QTMAN: variants seen among roughly 807,000 people sequenced by gnomAD.
The protein encoded by QTMAN is tRNA-queuosine alpha-mannosyltransferase.
At chr2:143,957,504 A>ATGTTCTGCT in the QTMAN span, among the ~76,000 whole-genome samples, 1 of 152,140 alleles carries the variant, frequency 6.6e-6, no homozygotes, top group South Asian at 2.1e-4. Context: ...GCAGAACCAA[A>ATGTTCTGCT]TGTTAAGGTG....
At chr2:144,091,400 AAATG>A in the QTMAN span, among the ~76,000 whole-genome samples, 13 of 152,220 alleles carry the variant, frequency 8.5e-5, no homozygotes, top group Non-Finnish European at 1.5e-4. Context: ...GTATAAAATA[AAATG>A]AATGAATGAA....
the QTMAN span, among the ~76,000 whole-genome samples, chr2:144,035,078 TGTTTG>T: frequency 6.6e-6 from 1 of 152,168 alleles, no homozygotes; most frequent in Non-Finnish European, 1.5e-5. Flanking sequence ...TGGTGGAAGA[TGTTTG>T]GGTTATGGGG....
At chr2:144,313,379 GTCA>G in the QTMAN span, among the ~76,000 whole-genome samples, 11 of 152,084 alleles carry the variant, frequency 7.2e-5, no homozygotes, top group Admixed American at 1.3e-4. Flanking sequence ...ACAATTCCTA[GTCA>G]TCATTCTATT....
At chr2:143,963,680 A>C in the QTMAN span, 1 of 152,062 alleles carries the variant, frequency 6.6e-6, no homozygotes, top group Admixed American at 6.6e-5. Flanking sequence ...CCCTAATTGG[A>C]GTCTTGTTAA....
the QTMAN span, among the ~76,000 whole-genome samples, chr2:144,173,745 T>G: frequency 5.9e-4 from 88 of 149,652 alleles, no homozygotes; most frequent in African/African-American, 2.2e-3. Context: ...ATCCCCAATG[T>G]TGGATGGGGG....
the QTMAN span, among the ~76,000 whole-genome samples, chr2:143,998,699 AT>A: frequency 6.6e-6 from 1 of 151,996 alleles, no homozygotes; most frequent in African/African-American, 2.4e-5. Context: ...TTCTGGATTT[AT>A]TTTTCCATAA....
chr2:143,961,922 G>A, the QTMAN span, among the ~76,000 whole-genome samples: 1 of 152,068 alleles, frequency 6.6e-6, no homozygotes, highest in Non-Finnish European at 1.5e-5. Context: ...GGAGGGAAGG[G>A]TATCAGCCCA....
the QTMAN span, among the ~76,000 whole-genome samples, chr2:144,031,421 GA>G: frequency 2.0e-5 from 3 of 152,058 alleles, no homozygotes; most frequent in African/African-American, 7.2e-5. Context: ...ACTCGAACAA[GA>G]AAAAGTACAC....
chr2:144,322,291 T>C, the QTMAN span, among the ~76,000 whole-genome samples: 4 of 152,214 alleles, frequency 2.6e-5, no homozygotes, highest in Non-Finnish European at 5.9e-5. Flanking sequence ...GAGCTTTTGT[T>C]TATGTGGCTT....
chr2:144,093,328 T>C, the QTMAN span, among the ~76,000 whole-genome samples: 1 of 151,882 alleles, frequency 6.6e-6, no homozygotes, highest in African/African-American at 2.4e-5. Context: ...CATAAAAGAG[T>C]AGCAAATTTT....
chr2:144,182,872 ATTATATATATATT>A, the QTMAN span, among the ~76,000 whole-genome samples: 5 of 76,654 alleles, frequency 6.5e-5, no homozygotes, highest in African/African-American at 2.6e-4. Context: ...ATATATATAT[ATTATATATATATT>A]TTATATATAT....
chr2:144,221,111 G>C, the QTMAN span, among the ~76,000 whole-genome samples: 2 of 152,156 alleles, frequency 1.3e-5, no homozygotes, highest in Admixed American at 6.5e-5. Flanking sequence ...ATTAAAAAAG[G>C]ACTGTTCTCA....
At chr2:144,322,473 A>C in the QTMAN span, among the ~76,000 whole-genome samples, 12 of 152,210 alleles carry the variant, frequency 7.9e-5, no homozygotes, top group Non-Finnish European at 1.6e-4. Context: ...GCTTTGTGTG[A>C]AAATTATGTT....
chr2:144,200,866 A>G, the QTMAN span, among the ~76,000 whole-genome samples: 13 of 152,350 alleles, frequency 8.5e-5, no homozygotes, highest in Admixed American at 2.6e-4. Context: ...TCTATGTAGA[A>G]GAGATGATAT....
the QTMAN span, among the ~76,000 whole-genome samples, chr2:144,180,741 T>A: frequency 6.6e-6 from 1 of 152,204 alleles, no homozygotes; most frequent in African/African-American, 2.4e-5. Context: ...TAGTATGGAT[T>A]CTCTTTTAGT....
At chr2:144,270,970 T>C in the QTMAN span, among the ~76,000 whole-genome samples, 1 of 152,356 alleles carries the variant, frequency 6.6e-6, no homozygotes, top group South Asian at 2.1e-4. Context: ...TATTTACTTA[T>C]ATTTCCTTGA....
chr2:144,145,131 C>T, the QTMAN span, among the ~76,000 whole-genome samples: 6,598 of 145,116 alleles, frequency 0.045, 479 homozygotes, highest in African/African-American at 0.16. Context: ...AAAAAAAAGG[C>T]GGGGGAGACA....
the QTMAN span, among the ~76,000 whole-genome samples, chr2:144,070,783 T>C: frequency 2.0e-5 from 3 of 152,192 alleles, no homozygotes; most frequent in East Asian, 3.8e-4. Context: ...TATTATGTAA[T>C]TTAACCCATA....
chr2:144,304,022 C>T, the QTMAN span, among the ~76,000 whole-genome samples: 6 of 152,216 alleles, frequency 3.9e-5, no homozygotes, highest in Non-Finnish European at 5.9e-5. Context: ...CACATGTCTA[C>T]ACAAGGGTTC....
Sources: allele counts gnomAD v4.1 joint callset (sites outside exome capture counted in the v4.1 genomes callset), GRCh38; gene constraint gnomAD v4.1.1; transcripts MANE v1.5; gene names NCBI Gene and HGNC (gene_info 2026-07-23, HGNC 2026-07-21).